The following ATP11A variants were observed in gnomAD, a reference collection of about 807,000 sequenced individuals.
The protein encoded by ATP11A is ATPase phospholipid transporting 11A, also known as phospholipid-transporting ATPase IH.
In ATP11A, 81 loss-of-function variants were observed where a neutral mutation model predicts 154.4. That is an observed-to-expected ratio of 0.52 (90% CI 0.44 to 0.63). The LOEUF is 0.63. Ranked by LOEUF, ATP11A falls within the 30% of genes least tolerant of loss-of-function variation. The pLI, the probability that ATP11A is intolerant of heterozygous loss-of-function variation, is 0.00. For missense variants in ATP11A, 1,316 were observed against 1,474.3 expected (o/e 0.89, Z 1.76); for synonymous variants, 623 against 585.9 (o/e 1.06, Z -0.91).
At position 112,836,364 on chromosome 13, in the gene ATP11A, C is replaced by CT. The variant is rs933198339; in HGVS notation, c.1705+120dup. On this transcript the variant is annotated intron_variant, in intron 16 of 29. Coordinates refer to ENST00000375645, the MANE Select transcript of ATP11A (RefSeq NM_015205.3). Reference sequence around the variant, plus strand: ...ATTTAGGGTTTAAGAATGATTTATTCTTTTTTTAAAAACTATAGACAAATC... The same window carrying CT: ...ATTTAGGGTTTAAGAATGATTTATTCTTTTTTTTAAAAACTATAGACAAATC... The CT allele has an allele frequency of 3.0e-5, 18 of 606,232 alleles. No homozygotes were observed. In the Admixed American group the frequency reaches 3.0e-4, roughly 10 times the overall value. The allele number at this position is 606,232 out of a possible 1,614,324, so 37.6% of individuals were successfully genotyped here.
At chr13:112,778,799 G>A (rs1240611714) in intron 1 of ATP11A, among the ~76,000 whole-genome samples, 5 of 76,774 alleles carry the variant, frequency 6.5e-5, no homozygotes, top group East Asian at 8.0e-4. Context: ...AGGAGTAGCC[G>A]CTGGAGTGAG....
At chr13:112,853,702 T>A (rs1008646602) in intron 18 of ATP11A, among the ~76,000 whole-genome samples, 1 of 152,130 alleles carries the variant, frequency 6.6e-6, no homozygotes, top group African/African-American at 2.4e-5. Context: ...GCATGAAAGA[T>A]TGCACATAGG....
chr13:112,719,694 G>A (rs1039289549), intron 1 of ATP11A, among the ~76,000 whole-genome samples: 30 of 151,882 alleles, frequency 2.0e-4, no homozygotes, highest in Non-Finnish European at 3.1e-4. Flanking sequence ...AGAGGGTAAA[G>A]CAGAGGGGAC....
chr13:112,812,850 C>T (rs1000706784), intron 5 of ATP11A, among the ~76,000 whole-genome samples: 2 of 152,246 alleles, frequency 1.3e-5, no homozygotes, highest in South Asian at 2.1e-4. Flanking sequence ...GGAACAGCCG[C>T]GAGCTCCATG....
intron 1 of ATP11A, among the ~76,000 whole-genome samples, chr13:112,766,558 C>T (rs2139911133): frequency 6.6e-6 from 1 of 152,240 alleles, no homozygotes; most frequent in East Asian, 2.0e-4. Flanking sequence ...CCGGCAGTGT[C>T]TTCTGGGGTC....
intron 2 of ATP11A, among the ~76,000 whole-genome samples, chr13:112,793,721 G>T (rs2077922695): frequency 6.6e-6 from 1 of 152,260 alleles, no homozygotes; most frequent in African/African-American, 2.4e-5. Flanking sequence ...TGGTGCTGGA[G>T]CTGTGTTCAG....
At chr13:112,717,511 G>T (rs1238228485) in intron 1 of ATP11A, 1 of 152,124 alleles carries the variant, frequency 6.6e-6, no homozygotes, top group African/African-American at 2.4e-5. Context: ...GTACTCTTGT[G>T]GTACATGTTT....
intron 10 of ATP11A, 91 bp downstream of exon 10, chr13:112,824,516 G>T: frequency 8.5e-7 from 1 of 1,172,322 alleles, no homozygotes; most frequent in Non-Finnish European, 1.3e-6. Context: ...CTTATTGGCA[G>T]TTCCTTTGCC....
Position 112,807,566 on chromosome 13 carries a change from A to G in ATP11A, c.333+1273A>G, listed in dbSNP as rs2078358084. ...AGGCAGTTTAACTCCTACCTGGGAT[A>G]AGGCCTCACTTCATGTCGGTGGCAG... On this transcript the variant is annotated intron_variant, in intron 4 of 29. Transcript: ENST00000375645. The surrounding 1 kb of genome is among the most constrained non-coding windows in gnomAD (Gnocchi z 4.5). Among the ~76,000 whole-genome samples, 1 of 152,176 alleles carries G rather than the reference A, an allele frequency of 6.6e-6. No individual in the cohort carries two copies. The highest frequency in any genetic ancestry group is 2.1e-4 in the South Asian group (1 of 4,826).
At position 112,862,462 on chromosome 13, in the gene ATP11A, C is replaced by G; in HGVS notation, c.2878C>G (p.Leu960Val). 6.2e-7 allele frequency: 1 copy of G among 1,614,020 alleles called. No individual in the cohort carries two copies. The highest frequency in any genetic ancestry group is 1.1e-5 in the South Asian group (1 of 91,062). The change falls in exon 25 of 30, where the codon CTG becomes GTG. Residue 960 changes from leucine to valine, a missense_variant. Transcript: ENST00000375645. ...CAGGGACGTCGCCAAGAATGCCCTG[C>G]TGCGCTGGCGCGTGTTCATCTACTG... ...LYRDVAKNALLRWRVFIYWTL... is the reference protein window; with the variant it reads ...LYRDVAKNALVRWRVFIYWTL...
rs1438270811 is a variant in ATP11A, at chr13:112,838,296, C to T, written c.1705+2045C>T. On this transcript the variant is annotated intron_variant, in intron 16 of 29. Coordinates refer to ENST00000375645, the MANE Select transcript of ATP11A (RefSeq NM_015205.3). The surrounding 1 kb of genome is among the most constrained non-coding windows in gnomAD (Gnocchi z 7.3). ...TGGGTGGGAAGTTCCTGGTCCATCC[C>T]GTCACGTGGTTTTCCCCGTAGCAGT... Among the ~76,000 whole-genome samples, 4 of 152,144 alleles carry T rather than the reference C, an allele frequency of 2.6e-5. No individual in the cohort carries two copies. The highest frequency in any genetic ancestry group is 2.1e-4 in the South Asian group (1 of 4,824).
chr13:112,800,319 A>T (rs1006936854), intron 2 of ATP11A, among the ~76,000 whole-genome samples: 1 of 152,182 alleles, frequency 6.6e-6, no homozygotes, highest in African/African-American at 2.4e-5. Context: ...GAGGGGCATC[A>T]CTACTGGTAA....
chr13:112,769,981 A>G (rs1566455572), intron 1 of ATP11A, among the ~76,000 whole-genome samples: 1 of 147,512 alleles, frequency 6.8e-6, no homozygotes, highest in Non-Finnish European at 1.5e-5. Flanking sequence ...AATCAGCGTT[A>G]CGTTTGCTCC....
intron 1 of ATP11A, among the ~76,000 whole-genome samples, chr13:112,751,288 C>T (rs2076685044): frequency 6.6e-6 from 1 of 152,302 alleles, no homozygotes; most frequent in South Asian, 2.1e-4. Context: ...GAACAGCCTG[C>T]GAATACACCC....
intron 1 of ATP11A, among the ~76,000 whole-genome samples, chr13:112,766,626 G>A (rs2077083134): frequency 6.6e-6 from 1 of 152,156 alleles, no homozygotes; most frequent in Non-Finnish European, 1.5e-5. Flanking sequence ...AAGGGAAGGG[G>A]AAGGGGGAGG....
chr13:112,719,742 T>C (rs1594407926), intron 1 of ATP11A, among the ~76,000 whole-genome samples: 1 of 152,274 alleles, frequency 6.6e-6, no homozygotes, highest in East Asian at 1.9e-4. Context: ...GAATCTCCTA[T>C]TTTTGAGAAA....
At chr13:112,881,665 C>A (rs1268470773) in intron 29 of ATP11A, 9 of 1,216,846 alleles carry the variant, frequency 7.4e-6, no homozygotes, top group Non-Finnish European at 9.4e-6. Flanking sequence ...TCCCGCCCGG[C>A]CTGCCCTCAG....
Position 112,756,869 on chromosome 13 carries a change from G to GGGGCC in ATP11A, c.40-28266_40-28265insGGGCC, listed in dbSNP as rs1487180593. Among the ~76,000 whole-genome samples, 858 of 150,342 alleles carry GGGGCC rather than the reference G, an allele frequency of 5.7e-3. 10 individuals carry two copies. The highest frequency in any genetic ancestry group is 0.019 in the African/African-American group (777 of 40,042). The stretch of plus-strand genomic sequence containing the variant: ...CCAGCGCGGGGTCTGCTCCCAGCAC[G>GGGGCC]TGGTCTGCTCCCAGCACGGGGCCTG... On this transcript the variant is annotated intron_variant, in intron 1 of 29. Coordinates refer to ENST00000375645, the MANE Select transcript of ATP11A (RefSeq NM_015205.3).
At chr13:112,791,272 C>T (rs997558058) in intron 2 of ATP11A, among the ~76,000 whole-genome samples, 2 of 152,336 alleles carry the variant, frequency 1.3e-5, no homozygotes, top group Admixed American at 1.3e-4. Context: ...GGGTGATGGG[C>T]GTGTGGAACC....
Sources: allele counts gnomAD v4.1 joint callset (sites outside exome capture counted in the v4.1 genomes callset), GRCh38; gene constraint gnomAD v4.1.1; non-coding constraint Gnocchi (gnomAD v3.1); transcripts MANE v1.5; gene names NCBI Gene and HGNC (gene_info 2026-07-23, HGNC 2026-07-21).